The following PDSS2 variants were observed in gnomAD, a reference collection of about 807,000 sequenced individuals.
The protein encoded by PDSS2 is all trans-polyprenyl-diphosphate synthase PDSS2.
In PDSS2, 31 loss-of-function variants were observed where a neutral mutation model predicts 44.5. The observed-to-expected ratio is 0.70, with a 90% CI of 0.52 to 0.94. The LOEUF is 0.94. PDSS2 is among the 40% of genes least tolerant of loss of function. The pLI is 0.00. For synonymous variants in PDSS2, 157 were observed against 180.3 expected (o/e 0.87, Z 1.03); for missense variants, 452 against 482.2 (o/e 0.94, Z 0.59).
At chr6:107,255,947 A>G (rs533344229) in intron 3 of PDSS2, among the ~76,000 whole-genome samples, 1 of 152,190 alleles carries the variant, frequency 6.6e-6, no homozygotes, top group African/African-American at 2.4e-5. Context: ...GTGCATTTCA[A>G]TCTTGTAGGC....
chr6:107,251,668 A>G (rs1389143186), intron 3 of PDSS2, among the ~76,000 whole-genome samples: 1 of 152,216 alleles, frequency 6.6e-6, no homozygotes, highest in African/African-American at 2.4e-5. Flanking sequence ...CAAAAGATGG[A>G]TTTAGTCTCT....
intron 7 of PDSS2, 25 bp downstream of exon 7, chr6:107,193,797 T>TAC: frequency 7.3e-7 from 1 of 1,368,260 alleles, no homozygotes; most frequent in Non-Finnish European, 1.0e-6. Context: ...TGTAAAATAG[T>TAC]ACAGTATGTA....
intron 7 of PDSS2, among the ~76,000 whole-genome samples, chr6:107,159,331 G>A (rs1554246291): frequency 7.2e-6 from 1 of 139,254 alleles, no homozygotes; most frequent in Non-Finnish European, 1.6e-5. Context: ...GAGGGAAGGA[G>A]GAAGGAAGGA....
chr6:107,210,573 A>G lies in PDSS2; in HGVS notation c.877-3T>C, dbSNP rs369835141. On this transcript the variant is annotated splice_region_variant and splice_polypyrimidine_tract_variant and intron_variant, in intron 5 of 7. Coordinates refer to ENST00000369037, the MANE Select transcript of PDSS2 (RefSeq NM_020381.4). ...AAAGGCTGGACATCAGAATTTATCTACAAGAAGCAATTAAATGAGTAAATT... is the reference window on the plus strand; with the variant it reads ...AAAGGCTGGACATCAGAATTTATCTGCAAGAAGCAATTAAATGAGTAAATT... 2.6e-5 allele frequency: 41 copies of G among 1,581,206 alleles called. No homozygotes were observed. The highest frequency in any genetic ancestry group is 3.4e-5 in the Non-Finnish European group (39 of 1,150,546).
chr6:107,383,298 CAAAAAAAAAAA>C (rs35910650), intron 1 of PDSS2, among the ~76,000 whole-genome samples: 13 of 28,438 alleles, frequency 4.6e-4, no homozygotes, highest in South Asian at 2.2e-3. Flanking sequence ...GACTCCATCT[CAAAAAAAAAAA>C]AAAAAAAAAA....
intron 3 of PDSS2, among the ~76,000 whole-genome samples, chr6:107,271,726 G>GT (rs1277505865): frequency 6.6e-6 from 1 of 152,162 alleles, no homozygotes; most frequent in Non-Finnish European, 1.5e-5. Flanking sequence ...GGGAAAAGAG[G>GT]TAAGTTATTT....
rs377526429 is a variant in PDSS2 at position 107,162,626 on chromosome 6, G to A, written c.1042-7849C>T. ...AATTCCCTAATTTTTTTTTTTTTTTGAGATGGAGTCTCACTCTGCCACTCA... is the reference window on the plus strand; with the variant it reads ...AATTCCCTAATTTTTTTTTTTTTTTAAGATGGAGTCTCACTCTGCCACTCA... On this transcript the variant is annotated intron_variant, in intron 7 of 7. Coordinates refer to ENST00000369037, the MANE Select transcript of PDSS2 (RefSeq NM_020381.4). Among the ~76,000 whole-genome samples the A allele has an allele frequency of 2.4e-4, 4 of 16,454 alleles. 1 individual carries two copies. The highest frequency in any genetic ancestry group is 8.9e-4 in the African/African-American group (3 of 3,384). 10.8% of individuals were successfully genotyped at this position (16,454 alleles called of 152,430 possible).
At chr6:107,454,412 G>A (rs1433098320) in intron 1 of PDSS2, among the ~76,000 whole-genome samples, 2 of 152,044 alleles carry the variant, frequency 1.3e-5, no homozygotes, top group African/African-American at 2.4e-5. Flanking sequence ...TCTAATTATA[G>A]TTTACAACAG....
At chr6:107,381,767 T>G (rs1391371514) in intron 1 of PDSS2, among the ~76,000 whole-genome samples, 1 of 152,222 alleles carries the variant, frequency 6.6e-6, no homozygotes, top group African/African-American at 2.4e-5. Context: ...ACTATAATTA[T>G]AGCATTTTAT....
At chr6:107,433,151 C>T (rs1781244798) in intron 1 of PDSS2, among the ~76,000 whole-genome samples, 2 of 151,986 alleles carry the variant, frequency 1.3e-5, no homozygotes, top group South Asian at 2.1e-4. Flanking sequence ...TTTTTTCCTA[C>T]GTTGACCGGG....
chr6:107,311,897 C>T lies in PDSS2; in HGVS notation c.431+22301G>A, dbSNP rs574196885. On this transcript the variant is annotated intron_variant, in intron 2 of 7. Coordinates refer to ENST00000369037, the MANE Select transcript of PDSS2 (RefSeq NM_020381.4). ...AATGCCTTAACACATAGTCTGTGCT[C>T]AGTACACAGTAATTATTACTACTAT... Among the ~76,000 whole-genome samples the T allele has an allele frequency of 2.3e-4, 35 of 152,302 alleles. No individual in the cohort carries two copies. In the South Asian group the frequency reaches 7.3e-3, roughly 32 times the overall value.
At chr6:107,403,545 C>A (rs1226948373) in intron 1 of PDSS2, among the ~76,000 whole-genome samples, 2 of 152,100 alleles carry the variant, frequency 1.3e-5, no homozygotes, top group African/African-American at 4.8e-5. Context: ...CCTTCTTCTG[C>A]AGCAAATTTC....
chr6:107,280,902 C>T lies in PDSS2; in HGVS notation c.432-6675G>A, dbSNP rs113343224. Among the ~76,000 whole-genome samples, 1,207 of 152,224 alleles carry T rather than the reference C, an allele frequency of 7.9e-3. 13 individuals carry two copies. Among genetic ancestry groups the T allele is most frequent in the African/African-American group, 0.025 (1,041 of 41,538 alleles). ...TTAAAAATATACAGAAAAGTACATA[C>T]TCTTGACTACATTTGGAGTGGCAAT... is the stretch of plus-strand genomic sequence containing the variant. On this transcript the variant is annotated intron_variant, in intron 2 of 7. Coordinates refer to ENST00000369037, the MANE Select transcript of PDSS2 (RefSeq NM_020381.4).
chr6:107,214,553 G>C (rs1004607561), intron 4 of PDSS2, among the ~76,000 whole-genome samples: 8 of 152,106 alleles, frequency 5.3e-5, no homozygotes, highest in African/African-American at 1.9e-4. Flanking sequence ...GCATTTATTT[G>C]AAACGTCAAA....
intron 6 of PDSS2, among the ~76,000 whole-genome samples, chr6:107,194,982 C>T (rs1027609488): frequency 6.6e-6 from 1 of 151,808 alleles, no homozygotes; most frequent in Non-Finnish European, 1.5e-5. Context: ...ACATAACAAC[C>T]AGGGTTAGTT....
chr6:107,272,941 A>T (rs962213979), intron 3 of PDSS2, among the ~76,000 whole-genome samples: 4 of 151,748 alleles, frequency 2.6e-5, no homozygotes, highest in African/African-American at 9.7e-5. Flanking sequence ...TATTTTTTTT[A>T]TTTTTATTTT....
chr6:107,361,943 G>A (rs903871001), intron 1 of PDSS2, among the ~76,000 whole-genome samples: 1 of 152,168 alleles, frequency 6.6e-6, no homozygotes, highest in Admixed American at 6.5e-5. Context: ...GTGAAAACAA[G>A]CAGTTTTGTT....
chr6:107,345,537 A>G (rs1778215917), intron 1 of PDSS2, among the ~76,000 whole-genome samples: 1 of 151,888 alleles, frequency 6.6e-6, no homozygotes, highest in African/African-American at 2.4e-5. Context: ...GAAGAGGCTA[A>G]AGCCAAATGT....
intron 4 of PDSS2, among the ~76,000 whole-genome samples, chr6:107,223,269 C>T (rs1378097096): frequency 1.3e-5 from 2 of 150,954 alleles, no homozygotes; most frequent in Admixed American, 1.3e-4. Flanking sequence ...GTGGCTCATG[C>T]CTATAATCCT....
Sources: gnomAD v4.1 joint callset for allele counts (sites outside exome capture counted in the v4.1 genomes callset) on GRCh38, gnomAD v4.1.1 for gene constraint, MANE v1.5 for transcripts, NCBI Gene and HGNC (gene_info 2026-07-23, HGNC 2026-07-21) for gene names.